The following DIAPH1 variants were observed in gnomAD, a reference collection of about 807,000 sequenced individuals.
DIAPH1 encodes protein diaphanous homolog 1.
A neutral mutation model predicts 140.7 loss-of-function variants in DIAPH1; 46 were observed. The ratio of observed to expected loss-of-function variants is 0.33; its 90% CI spans 0.26 to 0.42. DIAPH1 has a LOEUF of 0.42. Among genes scored for constraint, DIAPH1 ranks in the 10% least tolerant of loss-of-function variants. DIAPH1 has a pLI of 1.00. For missense variants in DIAPH1, 1,310 were observed against 1,558.7 expected (o/e 0.84, Z 2.69); for synonymous variants, 565 against 551.6 (o/e 1.02, Z -0.34).
intron 7 of DIAPH1, 161 bp downstream of exon 7, chr5:141,582,151 A>G (rs1163968345): frequency 4.8e-6 from 3 of 628,612 alleles, no homozygotes; most frequent in Non-Finnish European, 8.7e-6. Context: ...AAAAATATCC[A>G]CAGAAGCATG....
rs757885737 is a variant in DIAPH1, at chr5:141,618,888, C to A, written c.27G>T (p.Gly9=). 1.2e-4 allele frequency: 176 copies of A among 1,514,122 alleles called. No individual in the cohort carries two copies. The highest frequency in any genetic ancestry group is 1.5e-4 in the Non-Finnish European group (166 of 1,130,712). The allele number at this position is 1,514,122 out of a possible 1,614,324, so 93.8% of individuals were successfully genotyped here. ...TCTTGTCCCGGGTCCCGCGGCCGGG[C>A]CCCAGGCTCCCGCCGGGCGGCTCCA... MEPPGGSL[G]PGRGTRDKKK... Residue 9 remains glycine, a synonymous_variant, in exon 1 of 28, where the codon GGG becomes GGT. Transcript: ENST00000389054.
Position 141,579,101 on chromosome 5 carries a change from G to C in DIAPH1, c.920C>G (p.Thr307Ser). Reference sequence around the variant, plus strand: ...GGATATACATGCCTTCAGTGCAATAGTGGTTCCACTTTTTAATCCATCCAG... The same window carrying C: ...GGATATACATGCCTTCAGTGCAATACTGGTTCCACTTTTTAATCCATCCAG... Reference protein sequence around the residue: ...PLLDGLKSGTTIALKVGCLQL... With the variant: ...PLLDGLKSGTSIALKVGCLQL... Residue 307 changes from threonine to serine, a missense_variant, in exon 9 of 28, where the codon ACT becomes AGT. By Grantham distance (58) the Thr-to-Ser change is moderately conservative. Around this residue, in one of 3 missense-constraint regions of DIAPH1, gnomAD observed 377 missense variants for 497.1 expected, o/e 0.76. Transcript: ENST00000389054. 6.2e-7 allele frequency: 1 copy of C among 1,613,752 alleles called. No individual in the cohort carries two copies. Among genetic ancestry groups the C allele is most frequent in the Non-Finnish European group, 8.5e-7 (1 of 1,179,664 alleles).
intron 19 of DIAPH1, among the ~76,000 whole-genome samples, chr5:141,532,462 G>A (rs1216514665): frequency 2.6e-5 from 4 of 152,178 alleles, no homozygotes; most frequent in Non-Finnish European, 5.9e-5. Flanking sequence ...ACCATGCCCA[G>A]CCTCCTTAAT....
intron 18 of DIAPH1, among the ~76,000 whole-genome samples, chr5:141,535,657 G>T (rs2099888892): frequency 6.6e-6 from 1 of 152,174 alleles, no homozygotes; most frequent in African/African-American, 2.4e-5. Context: ...TCTAAAAAAT[G>T]GTTGATGCTG....
intron 26 of DIAPH1, among the ~76,000 whole-genome samples, chr5:141,525,764 G>C (rs1408646158): frequency 6.6e-6 from 1 of 152,160 alleles, no homozygotes; most frequent in Non-Finnish European, 1.5e-5. Context: ...AAGGAAAACA[G>C]TATATATCAC....
chr5:141,518,986 C>A (rs1215027141), intron 27 of DIAPH1: 2 of 1,550,676 alleles, frequency 1.3e-6, no homozygotes, highest in Admixed American at 3.9e-5. Flanking sequence ...CCCAGGGGCA[C>A]AAGAGGTTGT....
chr5:141,573,536 G>A lies in DIAPH1; in HGVS notation c.2314C>T (p.Leu772Phe). The A allele has an allele frequency of 6.2e-7, 1 of 1,612,684 alleles. No individual in the cohort carries two copies. Among genetic ancestry groups the A allele is most frequent in the Non-Finnish European group, 8.5e-7 (1 of 1,179,316 alleles). Residue 772 changes from leucine (L) to phenylalanine (F), a missense_variant, in exon 16 of 28, where the codon CTT (leucine) becomes TTT (phenylalanine). Leu to Phe is a conservative substitution (Grantham distance 22, BLOSUM62 0). Around this residue, in one of 3 missense-constraint regions of DIAPH1, gnomAD observed 589 missense variants for 549.3 expected, o/e 1.07. Coordinates refer to ENST00000389054, the MANE Select transcript of DIAPH1 (RefSeq NM_005219.5). ...VLPFGLTPKK[L>F]YKPEVQLRRP... ...CGGAGCTGCACCTCTGGCTTATAAA[G>A]CTTTTTGGGGGTTAATCCAAATGGC...
At chr5:141,543,347 G>A (rs1211694224) in intron 18 of DIAPH1, among the ~76,000 whole-genome samples, 2 of 152,180 alleles carry the variant, frequency 1.3e-5, no homozygotes, top group Non-Finnish European at 2.9e-5. Flanking sequence ...ATTAGCAGAT[G>A]CCAAGTTGGG....
At chr5:141,584,532 T>C (rs1330593494) in intron 3 of DIAPH1, among the ~76,000 whole-genome samples, 3 of 152,226 alleles carry the variant, frequency 2.0e-5, no homozygotes, top group African/African-American at 7.2e-5. Context: ...CAATGCTTTC[T>C]GCATCAAGGA....
intron 1 of DIAPH1, among the ~76,000 whole-genome samples, chr5:141,600,587 T>G (rs1258344752): frequency 6.6e-6 from 1 of 152,250 alleles, no homozygotes; most frequent in African/African-American, 2.4e-5. Flanking sequence ...ACTACAAGTA[T>G]GATTTTGAGC....
chr5:141,578,530 T>C lies in DIAPH1; in HGVS notation c.1029A>G (p.Leu343=), dbSNP rs750394417. ...AATATCTTACCTGCAACACCTGATG[T>C]AGCCCCAAACGCATCAGTTCACTTC... ...HIRSELMRLG[L]HQVLQDLREI... is the part of the protein sequence containing the mutation. The change falls in exon 10 of 28, where the codon CTA becomes CTG. Residue 343 remains leucine (L), a synonymous_variant. Transcript: ENST00000389054. The C allele has an allele frequency of 1.1e-5, 18 of 1,613,692 alleles. No homozygotes were observed. The highest frequency in any genetic ancestry group is 1.4e-5 in the Non-Finnish European group (17 of 1,179,724).
intron 1 of DIAPH1, among the ~76,000 whole-genome samples, chr5:141,594,877 A>G (rs1001680425): frequency 1.2e-4 from 16 of 138,716 alleles, no homozygotes; most frequent in African/African-American, 4.1e-4. Context: ...CTCTTCTCTA[A>G]TAACAATACA....
chr5:141,560,560 C>T (rs1001273856), intron 18 of DIAPH1: 4 of 163,048 alleles, frequency 2.5e-5, no homozygotes, highest in Non-Finnish European at 5.4e-5. Flanking sequence ...GTTGATAATC[C>T]CCTGTCACAA....
chr5:141,582,093 A>T, intron 7 of DIAPH1: 3 of 324,032 alleles, frequency 9.3e-6, no homozygotes, highest in Admixed American at 4.8e-5. Context: ...AAAAAGAGAG[A>T]GAAACAAAAT....
rs1179725945 is a variant in DIAPH1 at position 141,516,352 on chromosome 5, G to C, written c.*499C>G. ...ACACCACTAATAATAAATAACCACAGCCAGGAGAGGGAAGAGCAGAGACAA... is the reference window on the plus strand; with the variant it reads ...ACACCACTAATAATAAATAACCACACCCAGGAGAGGGAAGAGCAGAGACAA... On this transcript the variant is annotated 3_prime_UTR_variant, in exon 28 of 28. Coordinates refer to ENST00000389054, the MANE Select transcript of DIAPH1 (RefSeq NM_005219.5). 2 of 187,618 alleles carry C rather than the reference G, an allele frequency of 1.1e-5. No homozygotes were observed. The highest frequency in any genetic ancestry group is 1.1e-5 in the Non-Finnish European group (1 of 87,998). 11.6% of individuals were successfully genotyped at this position (187,618 alleles called of 1,614,324 possible). A position where few individuals can be genotyped will look rare whatever the true frequency, so the allele number is the denominator to read the frequency against.
intron 11 of DIAPH1, among the ~76,000 whole-genome samples, chr5:141,577,797 C>T (rs1404498633): frequency 6.6e-6 from 1 of 152,176 alleles, no homozygotes; most frequent in Admixed American, 6.5e-5. Flanking sequence ...ACTATACACA[C>T]AGAGGATTCC....
intron 19 of DIAPH1, among the ~76,000 whole-genome samples, chr5:141,531,959 A>C (rs2099888298): frequency 6.6e-6 from 1 of 152,188 alleles, no homozygotes; most frequent in African/African-American, 2.4e-5. Context: ...CTTCCTAAAA[A>C]TTACACAGGA....
chr5:141,574,131 A>C lies in DIAPH1; in HGVS notation c.1719T>G (p.Pro573=). The change falls in exon 16 of 28, where the codon CCT becomes CCG. Residue 573 remains proline, a synonymous_variant. Transcript: ENST00000389054. Reference sequence around the variant, plus strand: ...CAGGAGCACGACTAGGAACAGAAGGAGGTACAGTAATAGCTGCCGCAGAGA... The same window carrying C: ...CAGGAGCACGACTAGGAACAGAAGGCGGTACAGTAATAGCTGCCGCAGAGA... The part of the protein sequence containing the change: ...ASLSAAAITV[P]PSVPSRAPVP... The C allele has an allele frequency of 6.2e-7, 1 of 1,614,016 alleles. No homozygotes were observed. The highest frequency in any genetic ancestry group is 8.5e-7 in the Non-Finnish European group (1 of 1,179,982).
intron 1 of DIAPH1, among the ~76,000 whole-genome samples, chr5:141,594,998 G>A (rs911786278): frequency 6.0e-5 from 9 of 148,974 alleles, no homozygotes; most frequent in Admixed American, 2.0e-4. Context: ...CCGAGATCAC[G>A]CCATTGCACT....
Sources: gnomAD v4.1 joint callset for allele counts (sites outside exome capture counted in the v4.1 genomes callset) on GRCh38, gnomAD v4.1.1 for gene constraint, gnomAD v4.1.1 regional missense constraint, MANE v1.5 for transcripts, NCBI Gene and HGNC (gene_info 2026-07-23, HGNC 2026-07-21) for gene names.